The following SLCO1A2 variants were observed in gnomAD, a reference collection of about 807,000 sequenced individuals.
SLCO1A2 encodes OATP-1.
Under a neutral mutation model 69.0 loss-of-function variants are expected in SLCO1A2, and 67 were observed. That is an observed-to-expected ratio of 0.97 (90% confidence interval 0.80 to 1.19). The LOEUF (loss-of-function observed/expected upper bound fraction) is 1.19. Among genes scored for constraint, SLCO1A2 ranks in the 50% most tolerant of loss-of-function variants. SLCO1A2 has a pLI of 0.00. For synonymous variants in SLCO1A2, 260 were observed against 265.9 expected (o/e 0.98, Z 0.22); for missense variants, 787 against 793.7 (o/e 0.99, Z 0.10).
chr12:21,340,431 A>G (rs541386208), intron 2 of SLCO1A2, among the ~76,000 whole-genome samples: 2 of 152,220 alleles, frequency 1.3e-5, no homozygotes, highest in South Asian at 4.1e-4. Context: ...AAGGCATATA[A>G]AAATGAATAG....
intron 12 of SLCO1A2, among the ~76,000 whole-genome samples, chr12:21,290,744 G>A (rs573259494): frequency 6.6e-6 from 1 of 152,226 alleles, no homozygotes; most frequent in South Asian, 2.1e-4. Context: ...AGTTAGAAAT[G>A]TGGAAGCAAT....
In SLCO1A2 at chr12:21,271,704, T is replaced by C. The variant is rs1415429961; in HGVS notation, c.1794-1937A>G. The stretch of plus-strand genomic sequence containing the variant: ...ATGTGTATATAAACATATATACCTA[T>C]GTGTATATACATGTGAATATATGTT... On this transcript the variant is annotated intron_variant, in intron 14 of 14. Transcript: ENST00000683939. 2.7e-5 allele frequency among the ~76,000 whole-genome samples: 4 copies of C among 148,396 alleles called. No homozygotes were observed. The Admixed American group carries it at 2.7e-4, about 10-fold the overall frequency.
intron 1 of SLCO1A2, chr12:21,378,721 A>G: frequency 3.5e-6 from 1 of 284,904 alleles, no homozygotes; most frequent in Non-Finnish European, 6.7e-6. Context: ...AAGGAGAAAA[A>G]GGTAGTTTGA....
chr12:21,376,515 T>G (rs1940203811), intron 1 of SLCO1A2, among the ~76,000 whole-genome samples: 2 of 152,090 alleles, frequency 1.3e-5, no homozygotes, highest in South Asian at 2.1e-4. Flanking sequence ...TTGATATAGG[T>G]TAAATAATTA....
chr12:21,388,985 T>C (rs1308781680), intron 1 of SLCO1A2, among the ~76,000 whole-genome samples: 1 of 152,202 alleles, frequency 6.6e-6, no homozygotes, highest in Non-Finnish European at 1.5e-5. Flanking sequence ...TGCTTAAATG[T>C]GACTATTTTT....
chr12:21,309,112 C>CCATT, intron 4 of SLCO1A2, among the ~76,000 whole-genome samples: 1 of 152,122 alleles, frequency 6.6e-6, no homozygotes, highest in South Asian at 2.1e-4. Context: ...AGCTAGAAAG[C>CCATT]CATTCAAAGG....
At chr12:21,352,007 G>A (rs888514227) in intron 2 of SLCO1A2, among the ~76,000 whole-genome samples, 3 of 152,074 alleles carry the variant, frequency 2.0e-5, no homozygotes, top group Non-Finnish European at 2.9e-5. Context: ...GGTTAACAGT[G>A]TGTGGCATAA....
chr12:21,282,119 G>GAAAAAAAAAAAAAA (rs377032786), intron 12 of SLCO1A2, among the ~76,000 whole-genome samples: 1 of 116,784 alleles, frequency 8.6e-6, no homozygotes, highest in African/African-American at 3.0e-5. Context: ...AGACACATAA[G>GAAAAAAAAAAAAAA]AAAAAAAAAA....
intron 2 of SLCO1A2, chr12:21,373,190 T>C: frequency 1.5e-6 from 1 of 647,498 alleles, no homozygotes; most frequent in Non-Finnish European, 2.7e-6. Flanking sequence ...GTGGACAATA[T>C]TAAGGGACTG....
At chr12:21,323,282 C>A (rs958792511) in intron 2 of SLCO1A2, among the ~76,000 whole-genome samples, 1 of 152,184 alleles carries the variant, frequency 6.6e-6, no homozygotes, top group Non-Finnish European at 1.5e-5. Context: ...ACTGACCAGG[C>A]ACCGTGGCTC....
At chr12:21,370,586 T>C (rs12826226) in intron 2 of SLCO1A2, among the ~76,000 whole-genome samples, 25,444 of 150,654 alleles carry the variant, frequency 0.17, 2,205 homozygotes, top group Non-Finnish European at 0.18. Context: ...AGTGTTTCGA[T>C]AGAAGATTTT....
In SLCO1A2 at chr12:21,287,993, C is replaced by G. The variant is rs1222834886; in HGVS notation, c.1610+4171G>C. ...AACCTGCACAATGTGCACATGTACCCTAAAACTTAAAGTATAATAAAAAAA... is the reference window on the plus strand; with the variant it reads ...AACCTGCACAATGTGCACATGTACCGTAAAACTTAAAGTATAATAAAAAAA... On this transcript the variant is annotated intron_variant, in intron 12 of 14. Transcript: ENST00000683939. Among the ~76,000 whole-genome samples the G allele has an allele frequency of 2.3e-5, 3 of 132,060 alleles. No homozygotes were observed. In the East Asian group the frequency reaches 7.2e-4, roughly 32 times the overall value. 86.6% of individuals were successfully genotyped at this position (132,060 alleles called of 152,430 possible).
chr12:21,377,590 C>T (rs1202210560), intron 1 of SLCO1A2, among the ~76,000 whole-genome samples: 1 of 152,104 alleles, frequency 6.6e-6, no homozygotes, highest in Admixed American at 6.6e-5. Flanking sequence ...CCCTGATAAC[C>T]ACCATTCCAC....
At chr12:21,364,233 C>T (rs186692843) in intron 2 of SLCO1A2, among the ~76,000 whole-genome samples, 1,632 of 152,294 alleles carry the variant, frequency 0.011, 25 homozygotes, top group African/African-American at 0.037. Flanking sequence ...GGATGCAAGG[C>T]TGGTTCAACA....
intron 12 of SLCO1A2, among the ~76,000 whole-genome samples, chr12:21,288,337 A>G (rs180680332): frequency 1.6e-4 from 25 of 152,296 alleles, no homozygotes; most frequent in African/African-American, 5.8e-4. Context: ...GCTACTCAGG[A>G]GGCTGAAGCA....
At chr12:21,338,074 T>C (rs142047284), upstream of SLCO1A2, among the ~76,000 whole-genome samples, 1,067 of 152,156 alleles carry the variant, frequency 7.0e-3, 18 homozygotes, top group African/African-American at 0.025. Flanking sequence ...AGTTGAAACC[T>C]GAATTCTGTG....
chr12:21,281,938 T>A (rs541636395), intron 12 of SLCO1A2, among the ~76,000 whole-genome samples: 1 of 152,108 alleles, frequency 6.6e-6, no homozygotes, highest in East Asian at 1.9e-4. Context: ...GAAGCTGTAA[T>A]AAAGTCTCCA....
intron 3 of SLCO1A2, among the ~76,000 whole-genome samples, chr12:21,316,426 T>A (rs1950870987): frequency 6.6e-6 from 1 of 152,128 alleles, no homozygotes; most frequent in Admixed American, 6.5e-5. Context: ...CTTCACTGCT[T>A]CCTAGCGTCT....
intron 4 of SLCO1A2, chr12:21,311,604 A>G (rs1380251248): frequency 1.3e-5 from 2 of 151,320 alleles, no homozygotes; most frequent in African/African-American, 4.9e-5. Context: ...ATTAGCAGTA[A>G]TATTTTGAAA....
Sources: allele counts gnomAD v4.1 joint callset (sites outside exome capture counted in the v4.1 genomes callset), GRCh38; gene constraint gnomAD v4.1.1; transcripts MANE v1.5; gene names NCBI Gene and HGNC (gene_info 2026-07-23, HGNC 2026-07-21).